Variants in ATP2B4 observed in about 807,000 individuals in gnomAD.
The protein encoded by ATP2B4 is plasma membrane calcium-transporting ATPase 4.
A neutral mutation model predicts 110.3 loss-of-function variants in ATP2B4; 39 were observed. That is an observed-to-expected ratio of 0.35 (90% confidence interval 0.27 to 0.46). The LOEUF (loss-of-function observed/expected upper bound fraction) is 0.46. Among genes scored for constraint, ATP2B4 ranks in the 20% least tolerant of loss-of-function variants. The pLI is 1.00. For synonymous variants in ATP2B4, 538 were observed against 571.7 expected, an observed-to-expected ratio of 0.94 and a Z score of 0.84; for missense variants, 1,135 against 1,530.9, an observed-to-expected ratio of 0.74 and a Z score of 4.32.
chr1:203,658,127 C>T (rs78627796), intron 1 of ATP2B4, among the ~76,000 whole-genome samples: 1 of 151,898 alleles, frequency 6.6e-6, no homozygotes, highest in African/African-American at 2.4e-5. Flanking sequence ...GAAACCAAAA[C>T]AATAATAAAT....
chr1:203,732,236 G>A (rs1571778394), intron 20 of ATP2B4, among the ~76,000 whole-genome samples: 1 of 151,716 alleles, frequency 6.6e-6, no homozygotes, highest in African/African-American at 2.4e-5. Flanking sequence ...ACAGGGCACT[G>A]AAAACCAGAG....
At chr1:203,642,806 C>T (rs571447427) in intron 1 of ATP2B4, among the ~76,000 whole-genome samples, 26 of 152,228 alleles carry the variant, frequency 1.7e-4, no homozygotes, top group African/African-American at 5.5e-4. Flanking sequence ...GCTGTGTGAC[C>T]GTGGACAAAT....
chr1:203,712,271 C>A (rs1278797137), intron 13 of ATP2B4, 132 bp downstream of exon 13: 3 of 1,096,610 alleles, frequency 2.7e-6, no homozygotes, highest in Non-Finnish European at 3.8e-6. Flanking sequence ...GAAACATCTC[C>A]TTGTACCAAA....
intron 1 of ATP2B4, among the ~76,000 whole-genome samples, chr1:203,668,678 G>A (rs1196086820): frequency 6.6e-6 from 1 of 152,190 alleles, no homozygotes; most frequent in African/African-American, 2.4e-5. Context: ...ATGGGTCCTG[G>A]GTTGGTGCTG....
At chr1:203,651,344 G>A (rs576263520) in intron 1 of ATP2B4, among the ~76,000 whole-genome samples, 1 of 152,158 alleles carries the variant, frequency 6.6e-6, no homozygotes, top group East Asian at 1.9e-4. Context: ...GTTTATGCAT[G>A]CCTCGCTTTT....
intron 1 of ATP2B4, among the ~76,000 whole-genome samples, chr1:203,654,141 G>T (rs1324463862): frequency 1.3e-5 from 2 of 151,752 alleles, no homozygotes; most frequent in Non-Finnish European, 2.9e-5. Flanking sequence ...ATGCCCCCAT[G>T]CCTGGCTAAT....
At chr1:203,657,596 G>A in intron 1 of ATP2B4, 1 of 972,640 alleles carries the variant, frequency 1.0e-6, no homozygotes, top group Non-Finnish European at 1.7e-6. Context: ...ACTGTTTAAG[G>A]TAAAGCTTAG....
rs115482998 is a variant in ATP2B4 at position 203,639,599 on chromosome 1, T to G, written c.-465+12380T>G. On this transcript the variant is annotated intron_variant, in intron 1 of 20. Transcript: ENST00000357681. ...TTAGATATCATTGCAGGGCAGCCCC[T>G]GGTGTTAGCAGTGAGACCATGGCCT... 4.7e-3 allele frequency among the ~76,000 whole-genome samples: 723 copies of G among 152,294 alleles called. 9 individuals are homozygous for G. Among genetic ancestry groups the G allele is most frequent in the African/African-American group, 0.017 (688 of 41,552 alleles).
chr1:203,700,264 G>A lies in ATP2B4; in HGVS notation c.708G>A (p.Glu236=). The change falls in exon 5 of 21, where the codon GAG becomes GAA. Residue 236 remains glutamate (E), a synonymous_variant. Coordinates refer to ENST00000357681, the MANE Select transcript of ATP2B4 (RefSeq NM_001684.5). ...LIQGNDLKID[E]SSLTGESDHV... ...AAGGGAATGATCTGAAGATTGATGA[G>A]AGCTCTCTGACAGGGGAATCTGACC... is the stretch of plus-strand genomic sequence containing the variant. The A allele has an allele frequency of 6.2e-7, 1 of 1,614,016 alleles. No homozygotes were observed. The highest frequency in any genetic ancestry group is 1.1e-5 in the South Asian group (1 of 91,074).
chr1:203,653,978 TATATATA>T (rs199613596), intron 1 of ATP2B4, among the ~76,000 whole-genome samples: 3,859 of 114,178 alleles, frequency 0.034, 139 homozygotes, highest in East Asian at 0.17. Context: ...TATATATATA[TATATATA>T]TTTTTTTTTT....
intron 9 of ATP2B4, 109 bp downstream of exon 9, chr1:203,707,332 C>T: frequency 9.1e-7 from 1 of 1,104,648 alleles, no homozygotes; most frequent in Non-Finnish European, 1.3e-6. Flanking sequence ...TAAACTTTGG[C>T]TGGTGCCTCA....
chr1:203,703,896 C>G, intron 8 of ATP2B4, 83 bp downstream of exon 8: 2 of 1,472,894 alleles, frequency 1.4e-6, no homozygotes, highest in Non-Finnish European at 1.8e-6. Context: ...CTGCACCGAC[C>G]GAGACTGGCA....
At chr1:203,627,989 G>A (rs1663139622) in intron 1 of ATP2B4, among the ~76,000 whole-genome samples, 1 of 152,174 alleles carries the variant, frequency 6.6e-6, no homozygotes, top group African/African-American at 2.4e-5. Flanking sequence ...TGTCTCCGAG[G>A]GCACCGCCCC....
chr1:203,705,400 GTTGT>G (rs1371225416), intron 8 of ATP2B4, among the ~76,000 whole-genome samples: 2 of 152,144 alleles, frequency 1.3e-5, no homozygotes, highest in South Asian at 4.1e-4. Flanking sequence ...TGTTGTTGTT[GTTGT>G]TTGTTTGTTT....
chr1:203,675,111 CTG>C (rs1046756540), intron 1 of ATP2B4, among the ~76,000 whole-genome samples: 8 of 152,200 alleles, frequency 5.3e-5, no homozygotes, highest in Non-Finnish European at 1.5e-5. Flanking sequence ...TCCCACCACA[CTG>C]TTTCCCTACC....
At chr1:203,718,444 G>A (rs12079395) in intron 15 of ATP2B4, among the ~76,000 whole-genome samples, 20,738 of 151,946 alleles carry the variant, frequency 0.14, 1,738 homozygotes, top group South Asian at 0.25. Context: ...GATTACAGGC[G>A]TGTGCCACCA....
intron 1 of ATP2B4, among the ~76,000 whole-genome samples, chr1:203,662,179 A>T (rs1664358470): frequency 6.6e-6 from 1 of 151,942 alleles, no homozygotes; most frequent in Non-Finnish European, 1.5e-5. Context: ...GCCTGCCACC[A>T]CGCCCGACTA....
chr1:203,688,685 G>A (rs2102370193), intron 2 of ATP2B4, among the ~76,000 whole-genome samples: 1 of 152,274 alleles, frequency 6.6e-6, no homozygotes, highest in Admixed American at 6.5e-5. Context: ...CAGTGGCCAA[G>A]AGTTGGTTAG....
In ATP2B4 at chr1:203,740,735, G is replaced by GT. The variant is rs1008893113; in HGVS notation, c.*886dup. On this transcript the variant is annotated 3_prime_UTR_variant, in exon 21 of 21. Coordinates refer to ENST00000357681, the MANE Select transcript of ATP2B4 (RefSeq NM_001684.5). The stretch of plus-strand genomic sequence containing the variant: ...GAAGGTTGCATATGTGTGGTATACA[G>GT]TTTTTACCTGAAAGCCTGAGCTTTC... 5 of 152,270 alleles carry GT rather than the reference G, an allele frequency of 3.3e-5. No homozygotes were observed. The highest frequency in any genetic ancestry group is 7.3e-5 in the Non-Finnish European group (5 of 68,060). The allele number at this position is 152,270 out of a possible 1,614,324, so 9.4% of individuals were successfully genotyped here. A position where few individuals can be genotyped will look rare whatever the true frequency, so the allele number is the denominator to read the frequency against.
Sources: gnomAD v4.1 joint callset for allele counts (sites outside exome capture counted in the v4.1 genomes callset) on GRCh38, gnomAD v4.1.1 for gene constraint, MANE v1.5 for transcripts, NCBI Gene and HGNC (gene_info 2026-07-23, HGNC 2026-07-21) for gene names.